The following KCNK12 variants were observed in gnomAD, a reference collection of about 807,000 sequenced individuals.
KCNK12 encodes the protein potassium channel subfamily K member 12.
KCNK12 carries 6 observed loss-of-function variants against 25.3 expected under a neutral mutation model. The observed-to-expected ratio is 0.24, with a 90% confidence interval of 0.13 to 0.47. KCNK12 has a LOEUF of 0.47. KCNK12 is among the 20% of genes least tolerant of loss of function. The pLI, the probability that KCNK12 is intolerant of heterozygous loss-of-function variation, is 0.99. For missense variants in KCNK12, 444 were observed against 661.7 expected, an observed-to-expected ratio of 0.67 and a Z score of 3.61; for synonymous variants, 331 against 311.1, an observed-to-expected ratio of 1.06 and a Z score of -0.67.
rs1376706408 is a variant in KCNK12 at position 47,511,572 on chromosome 2, C to G, written c.*9335G>C. ...GCACAGGTGTGACATCACAGGGTAACCAAATGCTTTTGCCCTGGGGGTGGG... is the reference window on the plus strand; with the variant it reads ...GCACAGGTGTGACATCACAGGGTAAGCAAATGCTTTTGCCCTGGGGGTGGG... On this transcript the variant is annotated 3_prime_UTR_variant, in exon 2 of 2. Coordinates refer to ENST00000327876, the MANE Select transcript of KCNK12 (RefSeq NM_022055.2). This position sits in a 1 kb window ranked among gnomAD's most constrained non-coding sequence, Gnocchi z 4.3. Among the ~76,000 whole-genome samples, 1 of 152,142 alleles carries G rather than the reference C, an allele frequency of 6.6e-6. No homozygotes were observed. The highest frequency in any genetic ancestry group is 2.4e-5 in the African/African-American group (1 of 41,416).
At position 47,516,398 on chromosome 2, in the gene KCNK12, G is replaced by GGA; in HGVS notation, c.*4507_*4508dup. On this transcript the variant is annotated 3_prime_UTR_variant, in exon 2 of 2. Coordinates refer to ENST00000327876, the MANE Select transcript of KCNK12 (RefSeq NM_022055.2). ...TGGCTCAGCCTGGCCAAGCTGCCCAGGAGGTCCCTTGGTGCCCTGGGCTCT... is the reference window on the plus strand; with the variant it reads ...TGGCTCAGCCTGGCCAAGCTGCCCAGGAGAGGTCCCTTGGTGCCCTGGGCTCT... Among the ~76,000 whole-genome samples the GGA allele has an allele frequency of 6.6e-6, 1 of 152,274 alleles. No homozygotes were observed. The highest frequency in any genetic ancestry group is 1.9e-4 in the East Asian group (1 of 5,148).
intron 1 of KCNK12, among the ~76,000 whole-genome samples, chr2:47,537,402 C>G (rs1347531942): frequency 6.6e-6 from 1 of 151,792 alleles, no homozygotes; most frequent in African/African-American, 2.4e-5. Flanking sequence ...GCGATCTCAG[C>G]TCTCTGCAAC....
In KCNK12 at chr2:47,516,016, A is replaced by C. The variant is rs1317232694; in HGVS notation, c.*4891T>G. Among the ~76,000 whole-genome samples, 1 of 152,150 alleles carries C rather than the reference A, an allele frequency of 6.6e-6. No homozygotes were observed. The highest frequency in any genetic ancestry group is 1.5e-5 in the Non-Finnish European group (1 of 68,022). On this transcript the variant is annotated 3_prime_UTR_variant, in exon 2 of 2. Transcript: ENST00000327876. ...TCCTAGCCCCTCACTTATTTCTCGT[A>C]AGACCGCTGGGAGGTGGGGGGATGG...
chr2:47,542,491 C>T (rs1298790095), intron 1 of KCNK12, among the ~76,000 whole-genome samples: 1 of 152,222 alleles, frequency 6.6e-6, no homozygotes, highest in East Asian at 1.9e-4. Flanking sequence ...AATGCCTCTG[C>T]CACCCATTCT....
intron 1 of KCNK12, among the ~76,000 whole-genome samples, chr2:47,524,038 A>G (rs1163026951): frequency 6.6e-6 from 1 of 152,198 alleles, no homozygotes; most frequent in African/African-American, 2.4e-5. Flanking sequence ...CAGTTGCCCG[A>G]GTGTGGTGTT....
rs926881388 is a variant in KCNK12 at position 47,512,066 on chromosome 2, G to A, written c.*8841C>T. Among the ~76,000 whole-genome samples, 6 of 152,140 alleles carry A rather than the reference G, an allele frequency of 3.9e-5. No individual in the cohort carries two copies. The highest frequency in any genetic ancestry group is 1.4e-4 in the African/African-American group (6 of 41,420). ...GCTCATGAAGTTTCTCATGGGGTGGGGTATGTGTGTTGAAGCTGCACCTTC... is the reference window on the plus strand; with the variant it reads ...GCTCATGAAGTTTCTCATGGGGTGGAGTATGTGTGTTGAAGCTGCACCTTC... On this transcript the variant is annotated 3_prime_UTR_variant, in exon 2 of 2. Coordinates refer to ENST00000327876, the MANE Select transcript of KCNK12 (RefSeq NM_022055.2).
chr2:47,558,869 A>T (rs144204817), intron 1 of KCNK12, among the ~76,000 whole-genome samples: 1 of 152,184 alleles, frequency 6.6e-6, no homozygotes, highest in African/African-American at 2.4e-5. Context: ...ATTGCATTTC[A>T]TTACTGATTA....
intron 1 of KCNK12, among the ~76,000 whole-genome samples, chr2:47,567,652 C>G (rs549564246): frequency 1.1e-4 from 16 of 152,284 alleles, no homozygotes; most frequent in African/African-American, 3.8e-4. Flanking sequence ...GTCTTGGCAT[C>G]CTCACAGAGG....
rs905591364 is a variant in KCNK12, at chr2:47,521,123, G to T, written c.1077C>A (p.Ala359=). The change falls in exon 2 of 2, where the codon GCC becomes GCA. Residue 359 remains alanine, a synonymous_variant. Coordinates refer to ENST00000327876, the MANE Select transcript of KCNK12 (RefSeq NM_022055.2). ...GCTCGCCCGAGAGGCGGCGGCCCTCGGCGTCGCTGTCGCGGGCCGCGGGGT... is the reference window on the plus strand; with the variant it reads ...GCTCGCCCGAGAGGCGGCGGCCCTCTGCGTCGCTGTCGCGGGCCGCGGGGT... ...GADPAARDSD[A]EGRRLSGELI... is the part of the protein sequence containing the mutation. 2 of 1,274,874 alleles carry T rather than the reference G, an allele frequency of 1.6e-6. No homozygotes were observed. The highest frequency in any genetic ancestry group is 4.1e-5 in the Admixed American group (1 of 24,392). The allele number at this position is 1,274,874 out of a possible 1,614,324, so 79.0% of individuals were successfully genotyped here. A position where few individuals can be genotyped will look rare whatever the true frequency, so the allele number is the denominator to read the frequency against.
In KCNK12 at chr2:47,547,196, G is replaced by C. The variant is rs948463171; in HGVS notation, c.391+22745C>G. Among the ~76,000 whole-genome samples the C allele has an allele frequency of 6.6e-6, 1 of 152,198 alleles. No homozygotes were observed. Among genetic ancestry groups the C allele is most frequent in the Non-Finnish European group, 1.5e-5 (1 of 68,044 alleles). Reference sequence around the variant, plus strand: ...AGCCTCCTTCATCTTCAAGGGCACTGCGGCTCAATCTTCAGATCTCTTCTT... The same window carrying C: ...AGCCTCCTTCATCTTCAAGGGCACTCCGGCTCAATCTTCAGATCTCTTCTT... On this transcript the variant is annotated intron_variant, in intron 1 of 1. Coordinates refer to ENST00000327876, the MANE Select transcript of KCNK12 (RefSeq NM_022055.2). The surrounding 1 kb of genome is among the most constrained non-coding windows in gnomAD (Gnocchi z 5.0).
rs1184057242 is a variant in KCNK12 at position 47,556,185 on chromosome 2, A to T, written c.391+13756T>A. ...GAAGGAAGAATATACATGTTTGCAT[A>T]CCGATGGAGTATAAATTAACAATGC... On this transcript the variant is annotated intron_variant, in intron 1 of 1. Coordinates refer to ENST00000327876, the MANE Select transcript of KCNK12 (RefSeq NM_022055.2). This position sits in a 1 kb window ranked among gnomAD's most constrained non-coding sequence, Gnocchi z 4.8. Among the ~76,000 whole-genome samples, 1 of 152,192 alleles carries T rather than the reference A, an allele frequency of 6.6e-6. No individual in the cohort carries two copies. The highest frequency in any genetic ancestry group is 1.9e-4 in the East Asian group (1 of 5,202).
chr2:47,513,066 A>G lies in KCNK12; in HGVS notation c.*7841T>C, dbSNP rs574736986. 6.5e-6 allele frequency: 1 copy of G among 153,248 alleles called. No homozygotes were observed. The highest frequency in any genetic ancestry group is 2.4e-5 in the African/African-American group (1 of 41,584). 9.5% of individuals were successfully genotyped at this position (153,248 alleles called of 1,614,324 possible). A position where few individuals can be genotyped will look rare whatever the true frequency, so the allele number is the denominator to read the frequency against. ...AAGGGAACACAAGTGATAGGTACAGATAGAAGTGTCTGATACTACATAGAT... is the reference window on the plus strand; with the variant it reads ...AAGGGAACACAAGTGATAGGTACAGGTAGAAGTGTCTGATACTACATAGAT... On this transcript the variant is annotated 3_prime_UTR_variant, in exon 2 of 2. Coordinates refer to ENST00000327876, the MANE Select transcript of KCNK12 (RefSeq NM_022055.2).
rs1365684085 is a variant in KCNK12 at position 47,566,670 on chromosome 2, T to C, written c.391+3271A>G. The C allele has an allele frequency of 2.0e-5, 3 of 152,210 alleles. No homozygotes were observed. The highest frequency in any genetic ancestry group is 2.9e-5 in the Non-Finnish European group (2 of 68,046). 9.4% of individuals were successfully genotyped at this position (152,210 alleles called of 1,614,324 possible). ...CTTAATCAGTTGATGACGTGACCAA[T>C]AGACCAGCAGACCAGTCCCTGCCCT... On this transcript the variant is annotated intron_variant, in intron 1 of 1. Transcript: ENST00000327876. The surrounding 1 kb of genome is among the most constrained non-coding windows in gnomAD (Gnocchi z 4.1).
intron 1 of KCNK12, among the ~76,000 whole-genome samples, chr2:47,567,853 A>G (rs2104905438): frequency 6.6e-6 from 1 of 152,360 alleles, no homozygotes; most frequent in South Asian, 2.1e-4. Flanking sequence ...AGAACAGTCA[A>G]TCCTGCCAGT....
In KCNK12 at chr2:47,520,685, G is replaced by A; in HGVS notation, c.*222C>T. 2.6e-6 allele frequency: 1 copy of A among 386,394 alleles called. No homozygotes were observed. Among genetic ancestry groups the A allele is most frequent in the Non-Finnish European group, 4.6e-6 (1 of 219,722 alleles). 23.9% of individuals were successfully genotyped at this position (386,394 alleles called of 1,614,324 possible). ...CTCCCTGAAGGAGAATCTGCTGGGG[G>A]CCACGGTTCTCCAAGAGGGGACTCA... On this transcript the variant is annotated 3_prime_UTR_variant, in exon 2 of 2. Transcript: ENST00000327876. The surrounding 1 kb of genome is among the most constrained non-coding windows in gnomAD (Gnocchi z 5.0).
rs1213396872 is a variant in KCNK12, at chr2:47,556,581, T to A, written c.391+13360A>T. ...CAGTCAGCATCTCTGCATAGTTTGT[T>A]AGCCATATTCAGCTGCTTGAGGGCA... On this transcript the variant is annotated intron_variant, in intron 1 of 1. Transcript: ENST00000327876. This position sits in a 1 kb window ranked among gnomAD's most constrained non-coding sequence, Gnocchi z 4.8. Among the ~76,000 whole-genome samples the A allele has an allele frequency of 6.6e-6, 1 of 152,068 alleles. No individual in the cohort carries two copies. Among genetic ancestry groups the A allele is most frequent in the Non-Finnish European group, 1.5e-5 (1 of 68,018 alleles).
intron 1 of KCNK12, among the ~76,000 whole-genome samples, chr2:47,552,862 G>T (rs573092973): frequency 6.6e-6 from 1 of 152,156 alleles, no homozygotes; most frequent in Non-Finnish European, 1.5e-5. Context: ...AAGAAATGAG[G>T]GGGGAATGGA....
rs1360375714 is a variant in KCNK12 at position 47,569,988 on chromosome 2, TCCCAGCGCGGG to T, written c.333_343del (p.Pro112LeufsTer347). ...CACGAAGTAGAAGGCGCCGGGGAAG[TCCCAGCGCGGG>T]CGCAGCGCGTCGGCGCGGACGCCGG... On this transcript the variant is annotated frameshift_variant, in exon 1 of 2. Coordinates refer to ENST00000327876, the MANE Select transcript of KCNK12 (RefSeq NM_022055.2). LOFTEE classifies it high-confidence loss of function. This position sits in a 1 kb window ranked among gnomAD's most constrained non-coding sequence, Gnocchi z 4.1. 1 of 1,433,288 alleles carries T rather than the reference TCCCAGCGCGGG, an allele frequency of 7.0e-7. No homozygotes were observed. Among genetic ancestry groups the T allele is most frequent in the Non-Finnish European group, 9.1e-7 (1 of 1,094,484 alleles). The allele number at this position is 1,433,288 out of a possible 1,614,324, so 88.8% of individuals were successfully genotyped here. A position where few individuals can be genotyped will look rare whatever the true frequency, so the allele number is the denominator to read the frequency against.
chr2:47,521,417 G>C lies in KCNK12; in HGVS notation c.783C>G (p.Asp261Glu). 1 of 1,613,550 alleles carries C rather than the reference G, an allele frequency of 6.2e-7. No homozygotes were observed. ...FVTFSTIGFG[D>E]LVSSQHAAYR... ...AGGCGGCGTGCTGGCTGCTCACCAG[G>C]TCCCCGAAGCCGATGGTGCTGAAGG... Residue 261 changes from aspartate to glutamate, a missense_variant, in exon 2 of 2, where the codon GAC becomes GAG. Physicochemically the swap from Asp to Glu is conservative, Grantham distance 45. This residue lies in a region of KCNK12 where 56 missense variants were observed against 135.7 expected (regional missense o/e 0.41). Transcript: ENST00000327876.
Sources: allele counts gnomAD v4.1 joint callset (sites outside exome capture counted in the v4.1 genomes callset), GRCh38; gene constraint gnomAD v4.1.1; regional missense constraint gnomAD v4.1.1; non-coding constraint Gnocchi (gnomAD v3.1); transcripts MANE v1.5; gene names NCBI Gene and HGNC (gene_info 2026-07-23, HGNC 2026-07-21).